Variants in BCL2L11 observed in about 807,000 individuals in gnomAD.
BCL2L11 encodes bcl-2-like protein 11.
In BCL2L11, 15 loss-of-function variants were observed where a neutral mutation model predicts 20.6. The observed-to-expected ratio is 0.73, with a 90% CI of 0.49 to 1.12. BCL2L11 has a LOEUF of 1.12. BCL2L11 is among the 50% of genes most tolerant of loss of function. The pLI, the probability that BCL2L11 is intolerant of heterozygous loss-of-function variation, is 0.00. For synonymous variants in BCL2L11, 108 were observed against 92.8 expected (o/e 1.16, Z -0.94); for missense variants, 292 against 260.9 (o/e 1.12, Z -0.82).
Position 111,156,108 on chromosome 2 carries a change from G to A in BCL2L11, c.498+5961G>A, listed in dbSNP as rs370009603. Among the ~76,000 whole-genome samples the A allele has an allele frequency of 2.2e-4, 33 of 152,254 alleles. 2 individuals are homozygous for A. In the South Asian group the frequency reaches 6.2e-3, roughly 29 times the overall value. ...TTCTGTGAATAATGTACAAAGGCAA[G>A]GACTAAAGTTTAGCCTGCTTGGTAA... On this transcript the variant is annotated intron_variant, in intron 3 of 3. Coordinates refer to ENST00000393256, the MANE Select transcript of BCL2L11 (RefSeq NM_138621.5).
At chr2:111,142,756 A>G (rs1409360172) in intron 2 of BCL2L11, among the ~76,000 whole-genome samples, 1 of 152,216 alleles carries the variant, frequency 6.6e-6, no homozygotes, top group African/African-American at 2.4e-5. Flanking sequence ...TACTGGTTTT[A>G]AATTTCATAG....
At chr2:111,156,913 T>A (rs772995115) in intron 3 of BCL2L11, among the ~76,000 whole-genome samples, 1 of 152,202 alleles carries the variant, frequency 6.6e-6, no homozygotes, top group African/African-American at 2.4e-5. Flanking sequence ...CTTCGGCGTT[T>A]AGAAAGGGAG....
At chr2:111,139,272 C>G (rs978584888) in intron 2 of BCL2L11, among the ~76,000 whole-genome samples, 4 of 152,170 alleles carry the variant, frequency 2.6e-5, no homozygotes, top group Non-Finnish European at 5.9e-5. Flanking sequence ...TGGAAACCTG[C>G]CCCACCCCAG....
intron 2 of BCL2L11, among the ~76,000 whole-genome samples, chr2:111,125,612 A>G (rs1046491578): frequency 6.6e-6 from 1 of 152,226 alleles, no homozygotes; most frequent in African/African-American, 2.4e-5. Flanking sequence ...TCAGTGAGGT[A>G]AATCAGGCAG....
chr2:111,134,701 T>C (rs891543935), intron 2 of BCL2L11, among the ~76,000 whole-genome samples: 1 of 152,336 alleles, frequency 6.6e-6, no homozygotes, highest in African/African-American at 2.4e-5. Context: ...TAATGATAGG[T>C]CTGTTAGTAA....
intron 3 of BCL2L11, among the ~76,000 whole-genome samples, chr2:111,152,154 A>G (rs945384678): frequency 5.3e-5 from 8 of 152,248 alleles, no homozygotes; most frequent in African/African-American, 1.9e-4. Flanking sequence ...CCAGAATCCA[A>G]CAGGACAGAT....
At chr2:111,156,176 A>G (rs1575178316) in intron 3 of BCL2L11, among the ~76,000 whole-genome samples, 1 of 152,286 alleles carries the variant, frequency 6.6e-6, no homozygotes, top group East Asian at 1.9e-4. Flanking sequence ...TTCTCAGCGT[A>G]CTTTGGAGGT....
At chr2:111,146,896 G>C (rs2076592434) in intron 2 of BCL2L11, among the ~76,000 whole-genome samples, 1 of 152,008 alleles carries the variant, frequency 6.6e-6, no homozygotes, top group African/African-American at 2.4e-5. Flanking sequence ...TACTAGCTAG[G>C]TCTTATTGCA....
At chr2:111,122,902 G>C in intron 1 of BCL2L11, 3 of 985,410 alleles carry the variant, frequency 3.0e-6, no homozygotes, top group Non-Finnish European at 3.6e-6. Context: ...CGGACGCTGC[G>C]CTCTGAAGGG....
In BCL2L11 at chr2:111,167,633, G is replaced by C. The variant is rs1354182270; in HGVS notation, c.*3402G>C. ...CAGGACAAGTGAATGGGTGGGACAG[G>C]TGGCTCCTGCCTAAGGACCACCTCA... On this transcript the variant is annotated 3_prime_UTR_variant, in exon 4 of 4. Transcript: ENST00000393256. 1.3e-5 allele frequency: 2 copies of C among 152,272 alleles called. No homozygotes were observed. The highest frequency in any genetic ancestry group is 6.5e-5 in the Admixed American group (1 of 15,290). 9.4% of individuals were successfully genotyped at this position (152,272 alleles called of 1,614,324 possible). A position where few individuals can be genotyped will look rare whatever the true frequency, so the allele number is the denominator to read the frequency against.
chr2:111,153,158 A>T (rs973394572), intron 3 of BCL2L11, among the ~76,000 whole-genome samples: 1 of 152,038 alleles, frequency 6.6e-6, no homozygotes, highest in Admixed American at 6.6e-5. Context: ...CGGGTGGATC[A>T]CCAGAGGTCA....
intron 2 of BCL2L11, among the ~76,000 whole-genome samples, chr2:111,142,632 T>C (rs919438269): frequency 3.9e-5 from 6 of 152,220 alleles, no homozygotes; most frequent in Admixed American, 2.6e-4. Context: ...GATTCTGTTT[T>C]TGCTCTTATT....
chr2:111,122,781 C>G, intron 1 of BCL2L11: 2 of 985,322 alleles, frequency 2.0e-6, no homozygotes, highest in African/African-American at 3.5e-5. Flanking sequence ...GCCGGGGACT[C>G]TGAACCCGAG....
At chr2:111,126,311 T>G (rs1226143948) in intron 2 of BCL2L11, among the ~76,000 whole-genome samples, 3 of 152,176 alleles carry the variant, frequency 2.0e-5, no homozygotes, top group Non-Finnish European at 4.4e-5. Context: ...AAGATCATAA[T>G]CTAAATAATT....
At chr2:111,129,538 C>T (rs1368535268) in intron 2 of BCL2L11, among the ~76,000 whole-genome samples, 3 of 152,160 alleles carry the variant, frequency 2.0e-5, no homozygotes, top group Non-Finnish European at 2.9e-5. Flanking sequence ...ACGATGGTAA[C>T]ATCTTGCCTA....
chr2:111,167,144 T>C lies in BCL2L11; in HGVS notation c.*2913T>C, dbSNP rs1417718710. 6.6e-6 allele frequency: 1 copy of C among 152,640 alleles called. No individual in the cohort carries two copies. Among genetic ancestry groups the C allele is most frequent in the Non-Finnish European group, 1.5e-5 (1 of 68,042 alleles). The allele number at this position is 152,640 out of a possible 1,614,324, so 9.5% of individuals were successfully genotyped here. ...TCTTAATTTCTGAAAAGTATTAACA[T>C]CCCTGTCTCCCACTCCCCTGCCGTC... On this transcript the variant is annotated 3_prime_UTR_variant, in exon 4 of 4. Coordinates refer to ENST00000393256, the MANE Select transcript of BCL2L11 (RefSeq NM_138621.5).
At chr2:111,132,538 CATT>C (rs1245823924) in intron 2 of BCL2L11, among the ~76,000 whole-genome samples, 2 of 152,168 alleles carry the variant, frequency 1.3e-5, no homozygotes, top group Middle Eastern at 3.2e-3. Flanking sequence ...ATTTTAGTCT[CATT>C]ATACTTAGCC....
intron 1 of BCL2L11, chr2:111,122,845 G>A: frequency 1.0e-6 from 1 of 985,476 alleles, no homozygotes; most frequent in African/African-American, 1.7e-5. Context: ...GGGGCGCCCG[G>A]TCGGCGAAGG....
Position 111,130,942 on chromosome 2 carries a change from G to A in BCL2L11, c.394+6803G>A, listed in dbSNP as rs1025190470. ...TTGCAATGTTAAGTCTCTCTTGGAT[G>A]TCTGAGACAAATCCTGCGTGGGTAG... is the stretch of plus-strand genomic sequence containing the variant. On this transcript the variant is annotated intron_variant, in intron 2 of 3. Coordinates refer to ENST00000393256, the MANE Select transcript of BCL2L11 (RefSeq NM_138621.5). Among the ~76,000 whole-genome samples the A allele has an allele frequency of 6.6e-4, 100 of 152,250 alleles. 1 individual carries two copies. Among genetic ancestry groups the A allele is most frequent in the African/African-American group, 2.4e-3 (99 of 41,538 alleles).
Sources: allele counts gnomAD v4.1 joint callset (sites outside exome capture counted in the v4.1 genomes callset), GRCh38; gene constraint gnomAD v4.1.1; transcripts MANE v1.5; gene names NCBI Gene and HGNC (gene_info 2026-07-23, HGNC 2026-07-21).